Variants in SAMD5 observed in about 807,000 individuals in gnomAD.
SAMD5 encodes sterile alpha motif domain containing 5, also known as sterile alpha motif domain-containing protein 5.
A neutral mutation model predicts 11.3 loss-of-function variants in SAMD5; 13 were observed. The observed-to-expected ratio is 1.15, with a 90% confidence interval of 0.75 to 1.83. The LOEUF (loss-of-function observed/expected upper bound fraction) is 1.83. Among genes scored for constraint, SAMD5 ranks in the 40% most tolerant of loss-of-function variants. The pLI, the probability that SAMD5 is intolerant of heterozygous loss-of-function variation, is 0.00. For missense variants in SAMD5, 255 were observed against 239.1 expected (o/e 1.07, Z -0.44); for synonymous variants, 129 against 111.3 (o/e 1.16, Z -1.00).
At chr6:147,556,121 C>G in intron 1 of SAMD5, among the ~76,000 whole-genome samples, 1 of 149,826 alleles carries the variant, frequency 6.7e-6, no homozygotes. Context: ...GAGATGGAGT[C>G]TTGCTCTGTC....
At chr6:147,650,843 G>C (rs1427058096) in intron 1 of SAMD5, among the ~76,000 whole-genome samples, 2 of 152,168 alleles carry the variant, frequency 1.3e-5, no homozygotes, top group African/African-American at 4.8e-5. Context: ...ATACCTACCT[G>C]TGCAATTTTG....
intron 1 of SAMD5, among the ~76,000 whole-genome samples, chr6:147,533,462 C>CAAA (rs57455955): frequency 4.5e-5 from 4 of 89,478 alleles, no homozygotes; most frequent in Admixed American, 1.3e-4. Flanking sequence ...AATTCCATCT[C>CAAA]AAAAAAAAAA....
intron 1 of SAMD5, among the ~76,000 whole-genome samples, chr6:147,691,531 A>C (rs918136719): frequency 9.2e-5 from 14 of 152,200 alleles, no homozygotes; most frequent in African/African-American, 3.4e-4. Flanking sequence ...AAAGTGATAA[A>C]AATATGTATT....
the SAMD5 span, among the ~76,000 whole-genome samples, chr6:147,772,332 G>T: frequency 2.0e-5 from 3 of 151,944 alleles, no homozygotes; most frequent in Non-Finnish European, 4.4e-5. Context: ...TCAAGAAAGG[G>T]CAGGGAAGAA....
At chr6:147,591,708 G>C (rs535460412) in intron 1 of SAMD5, among the ~76,000 whole-genome samples, 1 of 152,218 alleles carries the variant, frequency 6.6e-6, no homozygotes, top group Non-Finnish European at 1.5e-5. Context: ...AGAAATAGGG[G>C]ATTTTCACTA....
At position 147,688,622 on chromosome 6, in the gene SAMD5, T is replaced by C. The variant is rs1036632106; in HGVS notation, c.163-48695T>C. On this transcript the variant is annotated intron_variant, in intron 1 of 1. Transcript: ENST00000566741. ...GCCAGTTTTTGTTATTCTTGGTTTT[T>C]AAAACTACCAGAAGTTCTTTGCAGC... Among the ~76,000 whole-genome samples, 7 of 152,206 alleles carry C rather than the reference T, an allele frequency of 4.6e-5. No individual in the cohort carries two copies. The South Asian group carries it at 1.4e-3, about 32-fold the overall frequency.
chr6:147,691,329 A>G (rs1005517119), intron 1 of SAMD5, among the ~76,000 whole-genome samples: 1 of 152,134 alleles, frequency 6.6e-6, no homozygotes, highest in African/African-American at 2.4e-5. Flanking sequence ...ATTTAACTCT[A>G]TTCCCTAGCA....
chr6:147,539,241 A>G (rs1788561446), intron 1 of SAMD5, among the ~76,000 whole-genome samples: 1 of 150,868 alleles, frequency 6.6e-6, no homozygotes, highest in South Asian at 2.1e-4. Context: ...TTGCATGGCA[A>G]CTCAAAGCCC....
At chr6:147,917,989 C>T in the SAMD5 span, among the ~76,000 whole-genome samples, 8 of 152,020 alleles carry the variant, frequency 5.3e-5, no homozygotes, top group Non-Finnish European at 1.0e-4. Context: ...AGTCAGGTAG[C>T]GTGATGCCTC....
chr6:147,885,653 G>C, the SAMD5 span, among the ~76,000 whole-genome samples: 3 of 152,082 alleles, frequency 2.0e-5, no homozygotes, highest in African/African-American at 7.2e-5. Context: ...AAAAAGCAAA[G>C]CAAACATAAT....
chr6:147,577,632 A>G (rs1789235696), intron 1 of SAMD5, among the ~76,000 whole-genome samples: 1 of 152,168 alleles, frequency 6.6e-6, no homozygotes, highest in South Asian at 2.1e-4. Flanking sequence ...GAATAAGTAA[A>G]TATATTTTCT....
At chr6:147,913,742 ATGT>A in the SAMD5 span, among the ~76,000 whole-genome samples, 1 of 152,142 alleles carries the variant, frequency 6.6e-6, no homozygotes, top group Non-Finnish European at 1.5e-5. Context: ...ATAAGAAGAA[ATGT>A]TGTGGGGGAT....
At chr6:147,880,740 G>T in the SAMD5 span, among the ~76,000 whole-genome samples, 1 of 152,006 alleles carries the variant, frequency 6.6e-6, no homozygotes, top group East Asian at 1.9e-4. Context: ...GCTCCTCCTT[G>T]TCGTTCAGCC....
intron 1 of SAMD5, among the ~76,000 whole-genome samples, chr6:147,551,812 T>TTATATATATATATATATATATATATA (rs10691979): frequency 1.2e-4 from 12 of 99,444 alleles, no homozygotes; most frequent in African/African-American, 3.9e-4. Flanking sequence ...TATATATATG[T>TTATATATATATATATATATATATATA]TATATATATA....
the SAMD5 span, among the ~76,000 whole-genome samples, chr6:147,915,662 T>A: frequency 6.6e-6 from 1 of 152,228 alleles, no homozygotes; most frequent in African/African-American, 2.4e-5. Context: ...ATACTTAGGT[T>A]ATCGTTACAT....
chr6:147,781,031 A>G, the SAMD5 span, among the ~76,000 whole-genome samples: 28,156 of 152,162 alleles, frequency 0.19, 3,415 homozygotes, highest in African/African-American at 0.34. Flanking sequence ...GGAGAGACAC[A>G]TACAATATAC....
the SAMD5 span, among the ~76,000 whole-genome samples, chr6:147,919,794 T>C: frequency 2.0e-5 from 3 of 152,192 alleles, no homozygotes; most frequent in East Asian, 1.9e-4. Flanking sequence ...ATCATAAAAC[T>C]TTATAGCTGG....
At chr6:147,933,998 C>T in the SAMD5 span, among the ~76,000 whole-genome samples, 4 of 152,266 alleles carry the variant, frequency 2.6e-5, no homozygotes, top group African/African-American at 9.6e-5. Context: ...CCCCTGGGCA[C>T]GTCCTAATAT....
At chr6:147,548,805 C>A (rs531319373) in intron 1 of SAMD5, among the ~76,000 whole-genome samples, 1 of 152,250 alleles carries the variant, frequency 6.6e-6, no homozygotes, top group Non-Finnish European at 1.5e-5. Flanking sequence ...CCTTGGCTTT[C>A]TCCCCATGAA....
Sources: allele counts gnomAD v4.1 joint callset (sites outside exome capture counted in the v4.1 genomes callset), GRCh38; gene constraint gnomAD v4.1.1; transcripts MANE v1.5; gene names NCBI Gene and HGNC (gene_info 2026-07-23, HGNC 2026-07-21).